BIRC2: variants seen among roughly 807,000 people sequenced by gnomAD.
BIRC2 encodes baculoviral IAP repeat-containing protein 2.
In BIRC2, 18 loss-of-function variants were observed where a neutral mutation model predicts 60.9. The observed-to-expected ratio is 0.30, with a 90% CI of 0.20 to 0.44. The LOEUF is 0.44. Ranked by LOEUF, BIRC2 falls within the 20% of genes least tolerant of loss-of-function variation. BIRC2 has a pLI of 1.00. For synonymous variants in BIRC2, 282 were observed against 247.7 expected, an observed-to-expected ratio of 1.14 and a Z score of -1.30; for missense variants, 701 against 728.5, an observed-to-expected ratio of 0.96 and a Z score of 0.43.
intron 4 of BIRC2, 48 bp downstream of exon 4, chr11:102,363,022 A>G (rs756799830): frequency 1.5e-6 from 2 of 1,357,876 alleles, no homozygotes. Context: ...CTTTATAATA[A>G]CAAAAATATT....
chr11:102,352,964 A>G (rs760761780), intron 3 of BIRC2, among the ~76,000 whole-genome samples: 2 of 152,202 alleles, frequency 1.3e-5, no homozygotes, highest in Non-Finnish European at 2.9e-5. Flanking sequence ...TAAAAGTTGT[A>G]TTTTAAAGTT....
At chr11:102,357,108 T>G (rs926359160) in intron 3 of BIRC2, among the ~76,000 whole-genome samples, 2 of 152,192 alleles carry the variant, frequency 1.3e-5, no homozygotes, top group African/African-American at 4.8e-5. Flanking sequence ...GAATTCGGTT[T>G]GCTAGTATTT....
At position 102,368,510 on chromosome 11, in the gene BIRC2, A is replaced by G; in HGVS notation, c.1328A>G (p.Glu443Gly). Reference protein sequence around the residue: ...ALLNAEDEKREEEKEKQAEEM... With the variant: ...ALLNAEDEKRGEEKEKQAEEM... ...CTTAATGCTGAAGATGAAAAAAGAG[A>G]AGAGGAGAAGGAAAAACAAGCTGAA... The change falls in exon 6 of 9, where the codon GAA becomes GGA. Residue 443 changes from glutamate (E) to glycine (G), a missense_variant. Glu to Gly is a moderately conservative substitution (Grantham distance 98, BLOSUM62 -2). Transcript: ENST00000227758. The G allele has an allele frequency of 6.2e-7, 1 of 1,613,662 alleles. No individual in the cohort carries two copies. The highest frequency in any genetic ancestry group is 8.5e-7 in the Non-Finnish European group (1 of 1,179,860).
At chr11:102,369,308 TCC>T (rs1320264529) in intron 6 of BIRC2, among the ~76,000 whole-genome samples, 1 of 87,064 alleles carries the variant, frequency 1.1e-5, no homozygotes, top group East Asian at 4.1e-4. Flanking sequence ...ATGCTATCCC[TCC>T]CCCCTCCCCC....
chr11:102,356,679 A>ATT (rs1449046664), intron 3 of BIRC2, among the ~76,000 whole-genome samples: 3,879 of 145,596 alleles, frequency 0.027, 48 homozygotes, highest in Non-Finnish European at 0.044. Context: ...TATTATTATT[A>ATT]ATTTTTTTTT....
intron 6 of BIRC2, 133 bp downstream of exon 6, chr11:102,368,681 T>A (rs1951581842): frequency 1.6e-6 from 2 of 1,239,310 alleles, no homozygotes; most frequent in African/African-American, 1.5e-5. Flanking sequence ...TTCGAAACCA[T>A]CCCTCCTTTT....
intron 5 of BIRC2, 90 bp from the exon 6 acceptor site, chr11:102,368,216 G>A: frequency 7.0e-7 from 1 of 1,428,226 alleles, no homozygotes; most frequent in Non-Finnish European, 9.5e-7. Flanking sequence ...GAATATGAGA[G>A]TAAAGGATGA....
chr11:102,356,058 T>A (rs1447190654), intron 3 of BIRC2, among the ~76,000 whole-genome samples: 1 of 152,196 alleles, frequency 6.6e-6, no homozygotes, highest in Non-Finnish European at 1.5e-5. Flanking sequence ...GAGTTTGACT[T>A]CTTCCAGTCT....
chr11:102,361,782 C>T (rs929618563), intron 3 of BIRC2, among the ~76,000 whole-genome samples: 2 of 151,824 alleles, frequency 1.3e-5, no homozygotes, highest in African/African-American at 4.8e-5. Context: ...TCTTAGCCAT[C>T]TCCAGATGTC....
At chr11:102,354,325 T>C (rs986373042) in intron 3 of BIRC2, among the ~76,000 whole-genome samples, 31 of 152,230 alleles carry the variant, frequency 2.0e-4, no homozygotes, top group African/African-American at 7.5e-4. Flanking sequence ...TTCTCCTGCC[T>C]CAGCCTCTTG....
intron 6 of BIRC2, among the ~76,000 whole-genome samples, chr11:102,376,102 C>T (rs1951710347): frequency 6.6e-6 from 1 of 151,976 alleles, no homozygotes; most frequent in South Asian, 2.1e-4. Context: ...TCACTGTCAC[C>T]TTAGATTTAT....
Position 102,372,625 on chromosome 11 carries a change from G to GA in BIRC2, c.1366+4084dup, listed in dbSNP as rs1338977978. Among the ~76,000 whole-genome samples, 7 of 142,810 alleles carry GA rather than the reference G, an allele frequency of 4.9e-5. No homozygotes were observed. The East Asian group carries it at 1.4e-3, about 29-fold the overall frequency. 93.7% of individuals were successfully genotyped at this position (142,810 alleles called of 152,430 possible). A position where few individuals can be genotyped will look rare whatever the true frequency, so the allele number is the denominator to read the frequency against. ...TTTGGAATAGGTGTGGTGTGGTGCTGAAAAAAATGTATATTCTGTTGATTT... is the reference window on the plus strand; with the variant it reads ...TTTGGAATAGGTGTGGTGTGGTGCTGAAAAAAAATGTATATTCTGTTGATTT... On this transcript the variant is annotated intron_variant, in intron 6 of 8. Coordinates refer to ENST00000227758, the MANE Select transcript of BIRC2 (RefSeq NM_001166.5).
At chr11:102,363,789 GCTCATGC>G in intron 5 of BIRC2, 73 bp downstream of exon 5, 1 of 1,215,850 alleles carries the variant, frequency 8.2e-7, no homozygotes, top group Non-Finnish European at 1.2e-6. Context: ...GGGTGCAGTG[GCTCATGC>G]CTGTAATCCC....
intron 3 of BIRC2, among the ~76,000 whole-genome samples, chr11:102,361,524 C>G (rs544856493): frequency 1.3e-5 from 2 of 152,146 alleles, no homozygotes; most frequent in African/African-American, 4.8e-5. Context: ...GGGTTCACAG[C>G]AGCAATGGGT....
In BIRC2 at chr11:102,378,275, G is replaced by T. The variant is rs917076417; in HGVS notation, c.*92G>T. ...ATCTAAAGTAAAAAGGGAATTATGAGTTTTTCAATTAGTAACATTCATGTT... is the reference window on the plus strand; with the variant it reads ...ATCTAAAGTAAAAAGGGAATTATGATTTTTTCAATTAGTAACATTCATGTT... On this transcript the variant is annotated 3_prime_UTR_variant, in exon 9 of 9. Transcript: ENST00000227758. The T allele has an allele frequency of 2.0e-6, 2 of 1,016,990 alleles. No homozygotes were observed. Among genetic ancestry groups the T allele is most frequent in the South Asian group, 2.1e-5 (1 of 47,444 alleles). 63.0% of individuals were successfully genotyped at this position (1,016,990 alleles called of 1,614,324 possible). A position where few individuals can be genotyped will look rare whatever the true frequency, so the allele number is the denominator to read the frequency against.
chr11:102,360,805 G>A (rs1951477351), intron 3 of BIRC2, among the ~76,000 whole-genome samples: 1 of 130,970 alleles, frequency 7.6e-6, no homozygotes, highest in Admixed American at 7.5e-5. Context: ...TGTGGGCAAA[G>A]ATCTTTGCCT....
At chr11:102,366,457 G>A (rs34704430) in intron 5 of BIRC2, among the ~76,000 whole-genome samples, 3 of 151,124 alleles carry the variant, frequency 2.0e-5, no homozygotes, top group Non-Finnish European at 4.4e-5. Flanking sequence ...AGCTCCACCC[G>A]CCGGGTTCAC....
In BIRC2 at chr11:102,350,597, C is replaced by T; in HGVS notation, c.743C>T (p.Pro248Leu). Residue 248 changes from proline (P) to leucine (L), a missense_variant, in exon 2 of 9, where the codon CCA becomes CTA. Physicochemically the swap from Pro to Leu is moderately conservative, Grantham distance 98 (BLOSUM62 -3). Around this residue, in one of 4 missense-constraint regions of BIRC2, gnomAD observed 375 missense variants for 365.9 expected, o/e 1.02. Coordinates refer to ENST00000227758, the MANE Select transcript of BIRC2 (RefSeq NM_001166.5). ...SEHRRHFPNC[P>L]FLENSLETLR... Reference sequence around the variant, plus strand: ...CACCGGAGGCATTTTCCCAACTGTCCATTTTTGGAAAATTCTCTAGAAACT... The same window carrying T: ...CACCGGAGGCATTTTCCCAACTGTCTATTTTTGGAAAATTCTCTAGAAACT... The T allele has an allele frequency of 6.2e-7, 1 of 1,614,140 alleles. No individual in the cohort carries two copies. Among genetic ancestry groups the T allele is most frequent in the South Asian group, 1.1e-5 (1 of 91,078 alleles).
Position 102,368,506 on chromosome 11 carries a change from A to C in BIRC2, c.1324A>C (p.Arg442=). The change falls in exon 6 of 9, where the codon AGA becomes CGA. Residue 442 remains arginine, a synonymous_variant. Transcript: ENST00000227758. ...SALLNAEDEK[R]EEEKEKQAEE... ...ACTTCTTAATGCTGAAGATGAAAAA[A>C]GAGAAGAGGAGAAGGAAAAACAAGC... 2 of 1,613,758 alleles carry C rather than the reference A, an allele frequency of 1.2e-6. No homozygotes were observed. The highest frequency in any genetic ancestry group is 1.7e-5 in the Admixed American group (1 of 59,966).
Sources: allele counts gnomAD v4.1 joint callset (sites outside exome capture counted in the v4.1 genomes callset), GRCh38; gene constraint gnomAD v4.1.1; regional missense constraint gnomAD v4.1.1; transcripts MANE v1.5; gene names NCBI Gene and HGNC (gene_info 2026-07-23, HGNC 2026-07-21).